Variants in KIF20B observed in about 807,000 individuals in gnomAD.
KIF20B encodes the protein kinesin-like protein KIF20B.
In KIF20B, 188 loss-of-function variants were observed where a neutral mutation model predicts 232.5. That is an observed-to-expected ratio of 0.81 (90% CI 0.72 to 0.91). The LOEUF (loss-of-function observed/expected upper bound fraction) is 0.91, where lower values mean the gene tolerates loss of function less well. Ranked by LOEUF, KIF20B falls within the 40% of genes least tolerant of loss-of-function variation. The pLI, the probability that KIF20B is intolerant of heterozygous loss-of-function variation, is 0.00. For synonymous variants in KIF20B, 712 were observed against 683.0 expected (o/e 1.04, Z -0.66); for missense variants, 2,154 against 2,055.9 (o/e 1.05, Z -0.92).
At chr10:89,763,061 C>A (rs1842279173) in intron 29 of KIF20B, among the ~76,000 whole-genome samples, 1 of 152,070 alleles carries the variant, frequency 6.6e-6, no homozygotes, top group Admixed American at 6.6e-5. Flanking sequence ...GCTGGCGGAT[C>A]ACTTGAGGTC....
rs116669174 is a variant in KIF20B, at chr10:89,741,914, T to G, written c.3916-1894T>G. On this transcript the variant is annotated intron_variant, in intron 21 of 32. Transcript: ENST00000371728. The stretch of plus-strand genomic sequence containing the variant: ...CGTGTCATGGTATCAGGGACAGTGT[T>G]TGTGTTCAAGTAACTTTTATTTTAC... 8.5e-3 allele frequency among the ~76,000 whole-genome samples: 1,288 copies of G among 152,300 alleles called. 19 individuals are homozygous for G. The highest frequency in any genetic ancestry group is 0.029 in the African/African-American group (1,223 of 41,550).
At chr10:89,765,809 T>C (rs138473169) in intron 29 of KIF20B, among the ~76,000 whole-genome samples, 4,074 of 152,242 alleles carry the variant, frequency 0.027, 360 homozygotes, top group East Asian at 0.27. Flanking sequence ...TTCTTTTCTT[T>C]AAGAATGTTG....
intron 26 of KIF20B, among the ~76,000 whole-genome samples, chr10:89,757,169 C>T (rs1489653814): frequency 6.6e-6 from 1 of 151,326 alleles, no homozygotes; most frequent in African/African-American, 2.4e-5. Context: ...TATACCCCAA[C>T]TAGTGTTGCA....
At chr10:89,740,440 G>A (rs1841772875) in intron 21 of KIF20B, among the ~76,000 whole-genome samples, 1 of 152,026 alleles carries the variant, frequency 6.6e-6, no homozygotes, top group African/African-American at 2.4e-5. Context: ...CACCAAGTGG[G>A]ACACTCTCTG....
rs141226327 is a variant in KIF20B at position 89,772,188 on chromosome 10, C to T, written c.5243-501C>T. On this transcript the variant is annotated intron_variant, in intron 31 of 32. Transcript: ENST00000371728. ...AATTTAAAAATTCCTATTCTACTTC[C>T]CTAAAAGCAATCAGCTGTTAACAGT... Among the ~76,000 whole-genome samples the T allele has an allele frequency of 2.0e-4, 30 of 152,056 alleles. No individual in the cohort carries two copies. In the East Asian group the frequency reaches 4.6e-3, roughly 24 times the overall value.
chr10:89,758,276 A>G (rs979968027), intron 26 of KIF20B, among the ~76,000 whole-genome samples: 2 of 151,968 alleles, frequency 1.3e-5, no homozygotes, highest in East Asian at 1.9e-4. Context: ...TTTCAGCAGT[A>G]TTTTATGGTT....
chr10:89,748,472 T>C (rs1841961958), intron 23 of KIF20B, among the ~76,000 whole-genome samples: 1 of 152,236 alleles, frequency 6.6e-6, no homozygotes, highest in Non-Finnish European at 1.5e-5. Flanking sequence ...TACTAATCCA[T>C]GTTATTTGTA....
At chr10:89,752,414 A>G (rs1431319690) in intron 24 of KIF20B, among the ~76,000 whole-genome samples, 153 bp from the exon 25 acceptor site, 2 of 152,096 alleles carry the variant, frequency 1.3e-5, no homozygotes, top group Admixed American at 6.5e-5. Flanking sequence ...AGAACTCCTA[A>G]AAGTTAAACT....
chr10:89,760,515 CCTTA>C lies in KIF20B; in HGVS notation c.4681-7_4681-4del. 6.4e-7 allele frequency: 1 copy of C among 1,559,198 alleles called. No individual in the cohort carries two copies. Among genetic ancestry groups the C allele is most frequent in the South Asian group, 1.1e-5 (1 of 89,174 alleles). Reference sequence around the variant, plus strand: ...ACAATGCCCTGTTGCTTTAATATTTCCTTACTTTAGGAAACACAAATCATGGATA... The same window carrying C: ...ACAATGCCCTGTTGCTTTAATATTTCCTTTAGGAAACACAAATCATGGATA... On this transcript the variant is annotated splice_polypyrimidine_tract_variant and splice_region_variant and intron_variant, in intron 27 of 32. Transcript: ENST00000371728.
At chr10:89,757,259 G>A (rs61870788) in intron 26 of KIF20B, among the ~76,000 whole-genome samples, 46,909 of 151,302 alleles carry the variant, frequency 0.31, 8,181 homozygotes, top group African/African-American at 0.46. Context: ...CCTAATTACT[G>A]ATGAAGTTGA....
chr10:89,748,172 G>A (rs1305084938), intron 23 of KIF20B, among the ~76,000 whole-genome samples: 1 of 152,128 alleles, frequency 6.6e-6, no homozygotes, highest in African/African-American at 2.4e-5. Flanking sequence ...ACCATGCCTG[G>A]CTAATTTTTG....
intron 19 of KIF20B, among the ~76,000 whole-genome samples, chr10:89,736,013 C>CA (rs1402879595): frequency 1.3e-5 from 2 of 152,064 alleles, no homozygotes; most frequent in Admixed American, 1.3e-4. Context: ...GTTAATTAAA[C>CA]AGAAATGGTC....
chr10:89,705,329 G>T lies in KIF20B; in HGVS notation c.35G>T (p.Arg12Leu). 6.2e-7 allele frequency: 1 copy of T among 1,613,916 alleles called. No individual in the cohort carries two copies. The highest frequency in any genetic ancestry group is 1.1e-5 in the South Asian group (1 of 91,058). ...ESNFNQEGVPRPSYVFSADPI... is the reference protein window; with the variant it reads ...ESNFNQEGVPLPSYVFSADPI... ...AATTTTAATCAAGAGGGAGTACCTCGACCATCTTATGTTTTTAGTGCTGAC... is the reference window on the plus strand; with the variant it reads ...AATTTTAATCAAGAGGGAGTACCTCTACCATCTTATGTTTTTAGTGCTGAC... Residue 12 changes from arginine to leucine, a missense_variant, in exon 2 of 33, where the codon CGA (arginine) becomes CTA (leucine). Transcript: ENST00000371728.
At chr10:89,756,445 A>G (rs1450703792) in intron 26 of KIF20B, among the ~76,000 whole-genome samples, 1 of 152,180 alleles carries the variant, frequency 6.6e-6, no homozygotes, top group Admixed American at 6.5e-5. Context: ...AGGGAAAGCT[A>G]GTTTACTCTT....
rs1841683179 is a variant in KIF20B, at chr10:89,737,473, A to C, written c.2632A>C (p.Arg878=). ...RPNIAEIEDI[R]VLQENNEGLR... Reference sequence around the variant, plus strand: ...GAACATTGCAGAAATTGAAGACATCAGAGTTTTACAAGAAAATAATGAAGG... The same window carrying C: ...GAACATTGCAGAAATTGAAGACATCCGAGTTTTACAAGAAAATAATGAAGG... The change falls in exon 20 of 33, where the codon AGA becomes CGA. Residue 878 remains arginine, a synonymous_variant. Coordinates refer to ENST00000371728, the MANE Select transcript of KIF20B (RefSeq NM_001284259.2). 1.9e-6 allele frequency: 3 copies of C among 1,609,244 alleles called. No individual in the cohort carries two copies. The highest frequency in any genetic ancestry group is 4.5e-5 in the East Asian group (2 of 44,792).
At chr10:89,703,073 T>A (rs1242282151) in intron 1 of KIF20B, among the ~76,000 whole-genome samples, 1 of 152,214 alleles carries the variant, frequency 6.6e-6, no homozygotes, top group Non-Finnish European at 1.5e-5. Flanking sequence ...TCTTTTTAAT[T>A]CAGCAATTTA....
At chr10:89,744,064 A>G (rs986980937) in intron 22 of KIF20B, 137 bp downstream of exon 22, 6 of 654,244 alleles carry the variant, frequency 9.2e-6, no homozygotes, top group Non-Finnish European at 1.2e-5. Flanking sequence ...ATTTAAAATT[A>G]AATAGGCAAA....
chr10:89,744,444 G>A (rs539426148), intron 22 of KIF20B, among the ~76,000 whole-genome samples: 1 of 152,276 alleles, frequency 6.6e-6, no homozygotes, highest in Non-Finnish European at 1.5e-5. Context: ...AGTCTGGAGT[G>A]TAATTAATAG....
At chr10:89,770,352 A>G (rs1287804862) in intron 31 of KIF20B, among the ~76,000 whole-genome samples, 2 of 152,074 alleles carry the variant, frequency 1.3e-5, no homozygotes, top group Non-Finnish European at 2.9e-5. Flanking sequence ...TGTACATTTA[A>G]AAAATGTGTT....
Sources: gnomAD v4.1 joint callset for allele counts (sites outside exome capture counted in the v4.1 genomes callset) on GRCh38, gnomAD v4.1.1 for gene constraint, MANE v1.5 for transcripts, NCBI Gene and HGNC (gene_info 2026-07-23, HGNC 2026-07-21) for gene names.